AXIN1: variants seen among roughly 807,000 people sequenced by gnomAD.
AXIN1 encodes the protein axin 1.
A neutral mutation model predicts 76.4 loss-of-function variants in AXIN1; 30 were observed. The ratio of observed to expected loss-of-function variants is 0.39; its 90% confidence interval spans 0.29 to 0.53. The LOEUF (loss-of-function observed/expected upper bound fraction) is 0.53. Among genes scored for constraint, AXIN1 ranks in the 20% least tolerant of loss-of-function variants. The pLI, the probability that AXIN1 is intolerant of heterozygous loss-of-function variation, is 0.66. For synonymous variants in AXIN1, 545 were observed against 501.4 expected (o/e 1.09, Z -1.16); for missense variants, 1,140 against 1,198.8 (o/e 0.95, Z 0.72).
chr16:332,092 G>A (rs1256791617), intron 2 of AXIN1, among the ~76,000 whole-genome samples: 2 of 152,190 alleles, frequency 1.3e-5, no homozygotes, highest in East Asian at 3.8e-4. Flanking sequence ...CACAGGCAGT[G>A]CGAGAGTCCA....
intron 3 of AXIN1, among the ~76,000 whole-genome samples, chr16:312,932 A>C (rs2053215693): frequency 6.6e-6 from 1 of 152,250 alleles, no homozygotes; most frequent in Non-Finnish European, 1.5e-5. Context: ...TCATGCCCAT[A>C]ATCCCAGCAC....
At chr16:326,450 TA>T (rs2053586436) in intron 2 of AXIN1, among the ~76,000 whole-genome samples, 1 of 145,638 alleles carries the variant, frequency 6.9e-6, no homozygotes, top group South Asian at 2.2e-4. Context: ...AAGTTTATAC[TA>T]AAAAATGTGA....
chr16:288,200 A>C lies in AXIN1; in HGVS notation c.2511T>G (p.Phe837Leu). The C allele has an allele frequency of 1.9e-6, 3 of 1,613,654 alleles. No individual in the cohort carries two copies. The highest frequency in any genetic ancestry group is 1.6e-4 in the Middle Eastern group (1 of 6,062). Residue 837 changes from phenylalanine to leucine, a missense_variant, in exon 11 of 11, where the codon TTT (phenylalanine) becomes TTG (leucine). Physicochemically the swap from Phe to Leu is conservative, Grantham distance 22. This residue lies in a region of AXIN1 where 429 missense variants were observed against 405.8 expected (regional missense o/e 1.06). Coordinates refer to ENST00000262320, the MANE Select transcript of AXIN1 (RefSeq NM_003502.4). ...CGGCCTCGTCCTCTCGAACCTCCTC[A>C]AACACCACCCCACAGTCAAACTCGT... ...VSDEFDCGVVFEEVREDEAVL... is the reference protein window; with the variant it reads ...VSDEFDCGVVLEEVREDEAVL...
rs549858187 is a variant in AXIN1 at position 291,140 on chromosome 16, C to T, written c.2294+50G>A. 1.3e-5 allele frequency: 20 copies of T among 1,521,098 alleles called. No individual in the cohort carries two copies. The African/African-American group carries it at 1.4e-4, about 10-fold the overall frequency. The allele number at this position is 1,521,098 out of a possible 1,614,324, so 94.2% of individuals were successfully genotyped here. On this transcript the variant is annotated intron_variant, in intron 9 of 10. Coordinates refer to ENST00000262320, the MANE Select transcript of AXIN1 (RefSeq NM_003502.4). ...CTCTACGATGGGACCTGGCTTGGGA[C>T]GCCAGGGCTGGGGTGGGCAGGACCG...
chr16:332,554 C>T (rs1386173569), intron 2 of AXIN1, among the ~76,000 whole-genome samples: 3 of 143,814 alleles, frequency 2.1e-5, no homozygotes, highest in East Asian at 2.0e-4. Context: ...CCAGGCTGGG[C>T]GAAAGAGCGA....
chr16:341,630 C>T (rs893313298), intron 2 of AXIN1, among the ~76,000 whole-genome samples: 21 of 152,208 alleles, frequency 1.4e-4, no homozygotes, highest in Non-Finnish European at 2.6e-4. Flanking sequence ...GGAGTGCGGG[C>T]GCACGGCACG....
chr16:309,280 A>C (rs2053110679), intron 4 of AXIN1, among the ~76,000 whole-genome samples: 1 of 143,892 alleles, frequency 6.9e-6, no homozygotes. Flanking sequence ...CAGTGACAGC[A>C]AAACTCCTAT....
intron 2 of AXIN1, among the ~76,000 whole-genome samples, chr16:341,685 T>C (rs990673571): frequency 1.5e-3 from 233 of 152,346 alleles, no homozygotes; most frequent in Middle Eastern, 3.4e-3. Flanking sequence ...CGGGATCCAC[T>C]GGGTGAAGCC....
rs2141457771 is a variant in AXIN1, at chr16:287,968, C to A, written c.*154G>T. On this transcript the variant is annotated 3_prime_UTR_variant, in exon 11 of 11. Transcript: ENST00000262320. ...GCTTGTGGACCACTTGGAGGGACCC[C>A]CTACCTGCCTCTAGACACGGGTAGA... The A allele has an allele frequency of 1.5e-6, 2 of 1,316,254 alleles. No individual in the cohort carries two copies. The highest frequency in any genetic ancestry group is 2.6e-4 in the Middle Eastern group (1 of 3,906). 81.5% of individuals were successfully genotyped at this position (1,316,254 alleles called of 1,614,324 possible). A position where few individuals can be genotyped will look rare whatever the true frequency, so the allele number is the denominator to read the frequency against.
At chr16:289,116 T>G in intron 10 of AXIN1, among the ~76,000 whole-genome samples, 2 of 148,986 alleles carry the variant, frequency 1.3e-5, no homozygotes, top group African/African-American at 2.5e-5. Context: ...AGAGACAGAG[T>G]CTCGCTCTGT....
intron 2 of AXIN1, among the ~76,000 whole-genome samples, chr16:318,418 C>T (rs2053353205): frequency 6.6e-6 from 1 of 152,158 alleles, no homozygotes; most frequent in Admixed American, 6.5e-5. Flanking sequence ...GGAAGAAGGG[C>T]AGCCTGTTTA....
At chr16:326,305 A>C (rs1363964634) in intron 2 of AXIN1, among the ~76,000 whole-genome samples, 1 of 144,918 alleles carries the variant, frequency 6.9e-6, no homozygotes, top group Non-Finnish European at 1.5e-5. Context: ...AGTGAGCCAC[A>C]ATCACACCAC....
At chr16:316,213 T>C (rs1369456138) in intron 2 of AXIN1, among the ~76,000 whole-genome samples, 2 of 152,148 alleles carry the variant, frequency 1.3e-5, no homozygotes. Context: ...ACCTGAAATG[T>C]GTGTATACAA....
In AXIN1 at chr16:329,272, CAAAAAAAA is replaced by C. The variant is rs1176095680; in HGVS notation, c.879-14597_879-14590del. ...AGCCTGGGCGACAGAGCGAGACTGT[CAAAAAAAA>C]AAAAAAAAAAAAAAAGATACTGAAA... On this transcript the variant is annotated intron_variant, in intron 2 of 10. Transcript: ENST00000262320. Among the ~76,000 whole-genome samples the C allele has an allele frequency of 1.3e-4, 9 of 71,200 alleles. No individual in the cohort carries two copies. The South Asian group carries it at 2.4e-3, about 19-fold the overall frequency. The allele number at this position is 71,200 out of a possible 152,430, so 46.7% of individuals were successfully genotyped here.
Position 304,914 on chromosome 16 carries a change from G to T in AXIN1, c.1117-473C>A, listed in dbSNP as rs188436565. Among the ~76,000 whole-genome samples, 1,202 of 152,282 alleles carry T rather than the reference G, an allele frequency of 7.9e-3. 6 individuals carry two copies. Among genetic ancestry groups the T allele is most frequent in the Non-Finnish European group, 0.013 (873 of 68,028 alleles). ...ACTTCCTCACGGTCCCCCTTTTCGT[G>T]TCCGGCCAGTCTGTCCTTCATTCCC... On this transcript the variant is annotated intron_variant, in intron 4 of 10. Transcript: ENST00000262320.
chr16:299,332 A>G, intron 5 of AXIN1: 3 of 715,808 alleles, frequency 4.2e-6, no homozygotes, highest in Non-Finnish European at 5.1e-6. Context: ...AAAGAGAGGG[A>G]ACTAAGTTAC....
chr16:291,507 A>T (rs2052560841), intron 8 of AXIN1: 2 of 608,184 alleles, frequency 3.3e-6, no homozygotes, highest in South Asian at 3.6e-5. Context: ...CGCGCCCCAC[A>T]TTCATGATCC....
rs2052440852 is a variant in AXIN1, at chr16:288,225, T to C, written c.2486A>G (p.Asp829Gly). The change falls in exon 11 of 11, where the codon GAC becomes GGC. Residue 829 changes from aspartate to glycine, a missense_variant. Asp to Gly is a moderately conservative substitution (Grantham distance 94). Around this residue, in one of 3 missense-constraint regions of AXIN1, gnomAD observed 429 missense variants for 405.8 expected, o/e 1.06. Coordinates refer to ENST00000262320, the MANE Select transcript of AXIN1 (RefSeq NM_003502.4). ...AAACACCACCCCACAGTCAAACTCGTCGCTCACTTTCTTGAAGTAGTATCT... is the reference window on the plus strand; with the variant it reads ...AAACACCACCCCACAGTCAAACTCGCCGCTCACTTTCTTGAAGTAGTATCT... ...SYRYYFKKVS[D>G]EFDCGVVFEE... 1 of 1,613,492 alleles carries C rather than the reference T, an allele frequency of 6.2e-7. No homozygotes were observed.
At chr16:294,995 C>T (rs1170432836) in intron 7 of AXIN1, among the ~76,000 whole-genome samples, 37 of 140,180 alleles carry the variant, frequency 2.6e-4, no homozygotes, top group Non-Finnish European at 4.3e-4. Context: ...ACCCGGGAGG[C>T]GAGGCTTGCA....
Sources: gnomAD v4.1 joint callset for allele counts (sites outside exome capture counted in the v4.1 genomes callset) on GRCh38, gnomAD v4.1.1 for gene constraint, gnomAD v4.1.1 regional missense constraint, MANE v1.5 for transcripts, NCBI Gene and HGNC (gene_info 2026-07-23, HGNC 2026-07-21) for gene names.